Variants in IRF7 observed in about 807,000 individuals in gnomAD.
The protein encoded by IRF7 is interferon regulatory factor 7.
A neutral mutation model predicts 51.3 loss-of-function variants in IRF7; 67 were observed. The ratio of observed to expected loss-of-function variants is 1.31; its 90% confidence interval spans 1.07 to 1.60. The LOEUF (loss-of-function observed/expected upper bound fraction) is 1.60, where lower values mean the gene tolerates loss of function less well. Among genes scored for constraint, IRF7 ranks in the 40% most tolerant of loss-of-function variants. The pLI is 0.00. For synonymous variants in IRF7, 427 were observed against 301.3 expected, an observed-to-expected ratio of 1.42 and a Z score of -4.32; for missense variants, 873 against 701.5, an observed-to-expected ratio of 1.24 and a Z score of -2.76.
In IRF7 at chr11:612,567, C is replaced by A. The variant is rs1856487129; in HGVS notation, c.*78G>T. 1.9e-6 allele frequency: 3 copies of A among 1,545,692 alleles called. No individual in the cohort carries two copies. The highest frequency in any genetic ancestry group is 2.3e-5 in the South Asian group (2 of 88,770). ...AGATGCCAGTACGTGTTCTGGAGTT[C>A]TTTTTATTAGACTGGGCGGCCGCGG... On this transcript the variant is annotated 3_prime_UTR_variant, in exon 11 of 11. Coordinates refer to ENST00000525445, the MANE Select transcript of IRF7 (RefSeq NM_001572.5).
rs777340532 is a variant in IRF7, at chr11:613,442, G to A, written c.1001C>T (p.Pro334Leu). The A allele has an allele frequency of 4.5e-6, 7 of 1,556,068 alleles. No homozygotes were observed. In the African/African-American group the frequency reaches 9.6e-5, roughly 21 times the overall value. ...TDPQQVAFPSPAELPDQKQLR... is the reference protein window; with the variant it reads ...TDPQQVAFPSLAELPDQKQLR... ...CTGCTTCTGGTCCGGGAGCTCGGCA[G>A]GGCTGGGGAATGCTACCTGCTGGGG... is the stretch of plus-strand genomic sequence containing the variant. Residue 334 changes from proline to leucine, a missense_variant, in exon 9 of 11, where the codon CCT (proline) becomes CTT (leucine). By Grantham distance (98) the Pro-to-Leu change is moderately conservative. Coordinates refer to ENST00000525445, the MANE Select transcript of IRF7 (RefSeq NM_001572.5).
chr11:614,515 C>G lies in IRF7; in HGVS notation c.414G>C (p.Gln138His), dbSNP rs1239737538. Residue 138 changes from glutamine (Q) to histidine (H), a missense_variant, in exon 5 of 11, where the codon CAG (glutamine) becomes CAC (histidine). Gln to His is a conservative substitution (Grantham distance 24). Transcript: ENST00000525445. ...CAGCTGCGGGGGCCTCTGCCTCAGT[C>G]TGGTCCGTGCCTGGGCCTTCTGAGA... ...LCWREGPGTD[Q>H]TEAEAPAAVP... 4 of 1,556,246 alleles carry G rather than the reference C, an allele frequency of 2.6e-6. No homozygotes were observed. Among genetic ancestry groups the G allele is most frequent in the Admixed American group, 3.9e-5 (2 of 51,484 alleles).
In IRF7 at chr11:613,072, T is replaced by C; in HGVS notation, c.1283A>G (p.Tyr428Cys). ...CTGCCCGAAGCCCAGGTAGATGGTA[T>C]AGCGTGGGGAGCCACGGCGCTGCCG... ...RARQRRGSPR[Y>C]TIYLGFGQDL... The change falls in exon 10 of 11, where the codon TAT becomes TGT. Residue 428 changes from tyrosine to cysteine, a missense_variant. Tyr to Cys is a radical substitution (Grantham distance 194, BLOSUM62 -2). Transcript: ENST00000525445. The C allele has an allele frequency of 1.9e-6, 3 of 1,613,092 alleles. No homozygotes were observed. Among genetic ancestry groups the C allele is most frequent in the Non-Finnish European group, 2.5e-6 (3 of 1,179,992 alleles).
chr11:613,787 T>A lies in IRF7; in HGVS notation c.845A>T (p.Gln282Leu), dbSNP rs965400406. The A allele has an allele frequency of 1.3e-6, 2 of 1,557,888 alleles. No individual in the cohort carries two copies. Among genetic ancestry groups the A allele is most frequent in the Non-Finnish European group, 1.7e-6 (2 of 1,161,754 alleles). Residue 282 changes from glutamine (Q) to leucine (L), a missense_variant and splice_region_variant, in exon 8 of 11, where the codon CAA becomes CTA. Gln to Leu is a moderately radical substitution (Grantham distance 113). Coordinates refer to ENST00000525445, the MANE Select transcript of IRF7 (RefSeq NM_001572.5). ...GCCCCTTCCTGGGATGCACTCACCT[T>A]GCACCGCGGTGCAGGCGCTTGGGGA... ...SPSPSACTAV[Q>L]EPSPGALDVT...
At position 613,772 on chromosome 11, in the gene IRF7, G is replaced by C; in HGVS notation, c.847+13C>G. Reference sequence around the variant, plus strand: ...GGGCGGGGACAGGCTGCCCCTTCCTGGGATGCACTCACCTTGCACCGCGGT... The same window carrying C: ...GGGCGGGGACAGGCTGCCCCTTCCTCGGATGCACTCACCTTGCACCGCGGT... On this transcript the variant is annotated intron_variant, in intron 8 of 10. Transcript: ENST00000525445. 6.5e-7 allele frequency: 1 copy of C among 1,539,736 alleles called. No individual in the cohort carries two copies. The highest frequency in any genetic ancestry group is 8.7e-7 in the Non-Finnish European group (1 of 1,151,932).
chr11:614,633 T>C, intron 4 of IRF7, 99 bp from the exon 5 acceptor site: 8 of 1,447,008 alleles, frequency 5.5e-6, no homozygotes, highest in Non-Finnish European at 7.5e-6. Flanking sequence ...TGTGAACCCT[T>C]AGGCTGTGGC....
chr11:614,564 C>G, intron 4 of IRF7, 30 bp from the exon 5 acceptor site: 1 of 1,549,970 alleles, frequency 6.5e-7, no homozygotes, highest in Non-Finnish European at 8.7e-7. Flanking sequence ...GCGTTAGGCC[C>G]CGACACCAGA....
chr11:614,780 C>T lies in IRF7; in HGVS notation c.394+17G>A, dbSNP rs1486982238. On this transcript the variant is annotated intron_variant, in intron 4 of 10. Coordinates refer to ENST00000525445, the MANE Select transcript of IRF7 (RefSeq NM_001572.5). ...GCAGGACGAATGCCAACGCCCTTGGCAGCCGGCGTCGCTCACCTCGCCAGC... is the reference window on the plus strand; with the variant it reads ...GCAGGACGAATGCCAACGCCCTTGGTAGCCGGCGTCGCTCACCTCGCCAGC... 3.9e-5 allele frequency: 60 copies of T among 1,526,524 alleles called. No individual in the cohort carries two copies. Among genetic ancestry groups the T allele is most frequent in the Non-Finnish European group, 4.9e-5 (56 of 1,136,850 alleles). The allele number at this position is 1,526,524 out of a possible 1,614,324, so 94.6% of individuals were successfully genotyped here. A position where few individuals can be genotyped will look rare whatever the true frequency, so the allele number is the denominator to read the frequency against.
intron 8 of IRF7, 83 bp from the exon 9 acceptor site, chr11:613,678 G>A (rs1241719715): frequency 1.6e-4 from 105 of 659,372 alleles, no homozygotes; most frequent in Non-Finnish European, 2.1e-4. Context: ...CAGGATGTGA[G>A]TGACGGGGGT....
rs1359910800 is a variant in IRF7 at position 612,591 on chromosome 11, G to A, written c.*54C>T. Reference sequence around the variant, plus strand: ...TCTTTTTATTAGACTGGGCGGCCGCGGCCAGCTCTAGGTGGGCTGCTCCAG... The same window carrying A: ...TCTTTTTATTAGACTGGGCGGCCGCAGCCAGCTCTAGGTGGGCTGCTCCAG... On this transcript the variant is annotated 3_prime_UTR_variant, in exon 11 of 11. Coordinates refer to ENST00000525445, the MANE Select transcript of IRF7 (RefSeq NM_001572.5). 49 of 1,596,986 alleles carry A rather than the reference G, an allele frequency of 3.1e-5. 1 individual carries two copies. In the Admixed American group the frequency reaches 5.2e-4, roughly 17 times the overall value.
At position 614,343 on chromosome 11, in the gene IRF7, G is replaced by C. The variant is rs747395854; in HGVS notation, c.510C>G (p.Gly170=). ...TGTCACCAGCTGGGGCAGGGAGGGG[G>C]CCTGGGGCTTGGAGTCCAGCATGTG... is the stretch of plus-strand genomic sequence containing the variant. ...AHTHAGLQAP[G]PLPAPAGDKG... The change falls in exon 6 of 11, where the codon GGC becomes GGG. Residue 170 remains glycine (G), a synonymous_variant. Coordinates refer to ENST00000525445, the MANE Select transcript of IRF7 (RefSeq NM_001572.5). 2 of 1,610,662 alleles carry C rather than the reference G, an allele frequency of 1.2e-6. No individual in the cohort carries two copies. The highest frequency in any genetic ancestry group is 1.7e-6 in the Non-Finnish European group (2 of 1,179,244).
At position 615,412 on chromosome 11, in the gene IRF7, G is replaced by T; in HGVS notation, c.-48C>A. 1 of 1,467,272 alleles carries T rather than the reference G, an allele frequency of 6.8e-7. No homozygotes were observed. Among genetic ancestry groups the T allele is most frequent in the Non-Finnish European group, 9.0e-7 (1 of 1,115,750 alleles). 90.9% of individuals were successfully genotyped at this position (1,467,272 alleles called of 1,614,324 possible). A position where few individuals can be genotyped will look rare whatever the true frequency, so the allele number is the denominator to read the frequency against. On this transcript the variant is annotated 5_prime_UTR_variant, in exon 2 of 11. Transcript: ENST00000525445. ...AGGTGGCGGTCAGGTGTTATAACAG[G>T]GGAGGTAAGGGCTCCTGTCGCAGCA...
In IRF7 at chr11:612,934, G is replaced by C. The variant is rs1856522008; in HGVS notation, c.1356+65C>G. ...CCCCTCCCCCTCTCCGAGGCTCTGA[G>C]GGCATCAGGCGTCTGTCAGTGGGCC... On this transcript the variant is annotated intron_variant, in intron 10 of 10. Transcript: ENST00000525445. 3.8e-6 allele frequency: 6 copies of C among 1,589,666 alleles called. No individual in the cohort carries two copies. In the Admixed American group the frequency reaches 1.0e-4, roughly 27 times the overall value.
Position 613,237 on chromosome 11 carries a change from G to A in IRF7, c.1206C>T (p.Thr402=), listed in dbSNP as rs942117850. ...PACLLPRNCD[T]PIFDFRVFFQ... Reference sequence around the variant, plus strand: ...AGAAGACTCTGAAGTCGAAGATGGGGGTGTCACAGTTCCGAGGCAGCAGGC... The same window carrying A: ...AGAAGACTCTGAAGTCGAAGATGGGAGTGTCACAGTTCCGAGGCAGCAGGC... The change falls in exon 9 of 11, where the codon ACC becomes ACT. Residue 402 remains threonine (T), a synonymous_variant. Coordinates refer to ENST00000525445, the MANE Select transcript of IRF7 (RefSeq NM_001572.5). The A allele has an allele frequency of 3.8e-6, 6 of 1,594,108 alleles. No homozygotes were observed. The highest frequency in any genetic ancestry group is 3.5e-5 in the Admixed American group (2 of 56,662).
Position 612,820 on chromosome 11 carries a change from G to A in IRF7, c.1357-20C>T, listed in dbSNP as rs773636401. 5 of 1,592,510 alleles carry A rather than the reference G, an allele frequency of 3.1e-6. No individual in the cohort carries two copies. The highest frequency in any genetic ancestry group is 2.7e-5 in the African/African-American group (2 of 74,420). ...TTCCAGCTGCCAGGAGGGATCGGGC[G>A]TCTGTCAGTGACCCGGCGTGTGTCC... On this transcript the variant is annotated intron_variant, in intron 10 of 10. Coordinates refer to ENST00000525445, the MANE Select transcript of IRF7 (RefSeq NM_001572.5).
intron 4 of IRF7, 114 bp from the exon 5 acceptor site, chr11:614,648 G>T: frequency 7.1e-7 from 1 of 1,414,884 alleles, no homozygotes. Flanking sequence ...TGTGGCCTGA[G>T]GAGGTGGGGA....
rs757334669 is a variant in IRF7 at position 614,961 on chromosome 11, C to A, written c.230G>T (p.Gly77Val). 6.4e-7 allele frequency: 1 copy of A among 1,561,658 alleles called. No individual in the cohort carries two copies. Among genetic ancestry groups the A allele is most frequent in the South Asian group, 1.2e-5 (1 of 84,712 alleles). ...AGTCTCAGCCTCGGGGGGCGGGCCA[C>A]CTCCCCTGCTGCTAGGCGGCCACCT... ...RGRWPPSSRG[G>V]GPPPEAETAE... Residue 77 changes from glycine (G) to valine (V), a missense_variant, in exon 4 of 11, where the codon GGT becomes GTT. Gly to Val is a moderately radical substitution (Grantham distance 109). Transcript: ENST00000525445.
chr11:614,519 T>G lies in IRF7; in HGVS notation c.410A>C (p.Asp137Ala), dbSNP rs369156626. The change falls in exon 5 of 11, where the codon GAC becomes GCC. Residue 137 changes from aspartate to alanine, a missense_variant. Transcript: ENST00000525445. The stretch of plus-strand genomic sequence containing the variant: ...TGCGGGGGCCTCTGCCTCAGTCTGG[T>G]CCGTGCCTGGGCCTTCTGAGAGAGA... The part of the protein sequence containing the change: ...ELCWREGPGT[D>A]QTEAEAPAAV... 1 of 1,555,598 alleles carries G rather than the reference T, an allele frequency of 6.4e-7. No individual in the cohort carries two copies. Among genetic ancestry groups the G allele is most frequent in the South Asian group, 1.2e-5 (1 of 84,472 alleles).
Position 615,151 on chromosome 11 carries a change from G to A in IRF7, c.129C>T (p.Pro43=). The A allele has an allele frequency of 6.2e-7, 1 of 1,603,928 alleles. No individual in the cohort carries two copies. ...GGTCCTTGCGCGCGAAGTGCTTCCAGGGCACGCGGAAACAGGTGCGGGCCT... is the reference window on the plus strand; with the variant it reads ...GGTCCTTGCGCGCGAAGTGCTTCCAAGGCACGCGGAAACAGGTGCGGGCCT... ...LDEARTCFRV[P]WKHFARKDLS... is the part of the protein sequence containing the mutation. Residue 43 remains proline (P), a synonymous_variant, in exon 3 of 11, where the codon CCC becomes CCT. Transcript: ENST00000525445.
Sources: gnomAD v4.1 joint callset for allele counts on GRCh38, gnomAD v4.1.1 for gene constraint, MANE v1.5 for transcripts, NCBI Gene and HGNC (gene_info 2026-07-23, HGNC 2026-07-21) for gene names.